GAS2: variants seen among roughly 807,000 people sequenced by gnomAD.
The protein encoded by GAS2 is growth arrest specific 2.
GAS2 carries 20 observed loss-of-function variants against 37.5 expected under a neutral mutation model. The observed-to-expected ratio is 0.53, with a 90% CI of 0.37 to 0.77. The LOEUF (loss-of-function observed/expected upper bound fraction) is 0.77. GAS2 is among the 30% of genes least tolerant of loss of function. GAS2 has a pLI of 0.00. For synonymous variants in GAS2, 144 were observed against 132.2 expected, an observed-to-expected ratio of 1.09 and a Z score of -0.61; for missense variants, 336 against 373.4, an observed-to-expected ratio of 0.90 and a Z score of 0.82.
intron 6 of GAS2, among the ~76,000 whole-genome samples, chr11:22,753,253 A>C (rs1566378): frequency 0.56 from 84,371 of 151,852 alleles, 25,290 homozygotes; most frequent in Middle Eastern, 0.68. Flanking sequence ...GTCACTGTTT[A>C]CTTAACAATA....
intron 7 of GAS2, among the ~76,000 whole-genome samples, chr11:22,803,985 A>G (rs1326589078): frequency 6.6e-6 from 1 of 152,050 alleles, no homozygotes; most frequent in African/African-American, 2.4e-5. Context: ...AGCAATTGCA[A>G]TATTGTGAGA....
chr11:22,775,049 G>A (rs888193304), intron 7 of GAS2, among the ~76,000 whole-genome samples: 2 of 152,118 alleles, frequency 1.3e-5, no homozygotes, highest in African/African-American at 4.8e-5. Context: ...AGTGGGCAAC[G>A]AGAGGCTGGT....
chr11:22,812,026 G>C lies in GAS2; in HGVS notation c.*10G>C, dbSNP rs1247820993. ...GAAGGAAATTAAGTGAAACAAATTG[G>C]TCATGACAAGGGGACCCTCATAATG... On this transcript the variant is annotated 3_prime_UTR_variant, in exon 8 of 8. Coordinates refer to ENST00000454584, the MANE Select transcript of GAS2 (RefSeq NM_001143830.3). The C allele has an allele frequency of 6.2e-7, 1 of 1,605,580 alleles. No individual in the cohort carries two copies. The highest frequency in any genetic ancestry group is 8.5e-7 in the Non-Finnish European group (1 of 1,172,352).
chr11:22,778,165 T>A (rs955168751), intron 7 of GAS2, among the ~76,000 whole-genome samples: 1 of 152,194 alleles, frequency 6.6e-6, no homozygotes, highest in Non-Finnish European at 1.5e-5. Flanking sequence ...TTTTCTCAGG[T>A]CAAATGATTC....
intron 3 of GAS2, among the ~76,000 whole-genome samples, chr11:22,705,970 C>G (rs957808687): frequency 6.6e-6 from 1 of 151,986 alleles, no homozygotes; most frequent in African/African-American, 2.4e-5. Context: ...AAATTGCACA[C>G]GTGAAAGCCC....
chr11:22,684,104 G>T (rs373751), intron 2 of GAS2, among the ~76,000 whole-genome samples: 55,921 of 152,028 alleles, frequency 0.37, 11,281 homozygotes, highest in African/African-American at 0.55. Flanking sequence ...CATAGCAGCA[G>T]AAATAGAAAG....
intron 7 of GAS2, among the ~76,000 whole-genome samples, chr11:22,766,178 T>C (rs1173207592): frequency 6.6e-6 from 1 of 152,054 alleles, no homozygotes; most frequent in Non-Finnish European, 1.5e-5. Context: ...AACTGTATCA[T>C]ATACTATTTA....
At chr11:22,669,629 G>T (rs1246356617) in intron 1 of GAS2, among the ~76,000 whole-genome samples, 2 of 152,088 alleles carry the variant, frequency 1.3e-5, no homozygotes, top group Non-Finnish European at 2.9e-5. Flanking sequence ...AAACAGTCTT[G>T]TTACTGTGGG....
At chr11:22,772,714 G>T (rs977915307) in intron 7 of GAS2, among the ~76,000 whole-genome samples, 1 of 152,076 alleles carries the variant, frequency 6.6e-6, no homozygotes, top group Non-Finnish European at 1.5e-5. Flanking sequence ...TCTGCCTTCC[G>T]TCTTTTCCCA....
At chr11:22,778,520 A>C (rs1024752445) in intron 7 of GAS2, among the ~76,000 whole-genome samples, 2 of 152,250 alleles carry the variant, frequency 1.3e-5, no homozygotes, top group African/African-American at 4.8e-5. Flanking sequence ...CTCTCCAAGG[A>C]AGTGATATTT....
At chr11:22,789,437 T>TATATATAA in intron 7 of GAS2, among the ~76,000 whole-genome samples, 1 of 86,010 alleles carries the variant, frequency 1.2e-5, no homozygotes, top group Non-Finnish European at 2.3e-5. Flanking sequence ...TATATATATA[T>TATATATAA]ATATATATAT....
At chr11:22,803,110 G>A (rs573687099) in intron 7 of GAS2, among the ~76,000 whole-genome samples, 2 of 152,166 alleles carry the variant, frequency 1.3e-5, no homozygotes, top group Admixed American at 6.6e-5. Flanking sequence ...ATTGACATAT[G>A]CATTGATGCT....
intron 6 of GAS2, 53 bp downstream of exon 6, chr11:22,749,314 A>C: frequency 6.6e-7 from 1 of 1,519,534 alleles, no homozygotes; most frequent in Non-Finnish European, 9.0e-7. Flanking sequence ...CTTGCACTAC[A>C]AAACATATTC....
intron 4 of GAS2, among the ~76,000 whole-genome samples, chr11:22,733,810 T>A (rs986007704): frequency 6.6e-6 from 1 of 151,782 alleles, no homozygotes; most frequent in Non-Finnish European, 1.5e-5. Context: ...CCGCCAATGA[T>A]AAAACCATTT....
At chr11:22,679,874 A>G (rs1849599886) in intron 2 of GAS2, among the ~76,000 whole-genome samples, 1 of 152,136 alleles carries the variant, frequency 6.6e-6, no homozygotes, top group Non-Finnish European at 1.5e-5. Context: ...GATTTTACTT[A>G]TATTTAGAAA....
At chr11:22,799,647 A>G (rs1299759212) in intron 7 of GAS2, among the ~76,000 whole-genome samples, 4 of 152,052 alleles carry the variant, frequency 2.6e-5, no homozygotes, top group Non-Finnish European at 5.9e-5. Flanking sequence ...GATTTTTTTC[A>G]GACTCCTCTT....
chr11:22,754,838 T>C (rs180837230), intron 6 of GAS2, among the ~76,000 whole-genome samples: 2 of 152,256 alleles, frequency 1.3e-5, no homozygotes, highest in East Asian at 1.9e-4. Flanking sequence ...CCATGACATC[T>C]TTGTGGAAGA....
chr11:22,725,554 A>G (rs932694227), intron 3 of GAS2, among the ~76,000 whole-genome samples: 1 of 152,024 alleles, frequency 6.6e-6, no homozygotes, highest in South Asian at 2.1e-4. Context: ...TCAGCTCCCC[A>G]AGTAGCTGGG....
Position 22,811,934 on chromosome 11 carries a change from A to G in GAS2, c.860A>G (p.Lys287Arg), listed in dbSNP as rs538442989. 3.7e-5 allele frequency: 60 copies of G among 1,613,998 alleles called. No homozygotes were observed. The highest frequency in any genetic ancestry group is 5.1e-5 in the Non-Finnish European group (60 of 1,180,016). Residue 287 changes from lysine to arginine, a missense_variant, in exon 8 of 8, where the codon AAA (lysine) becomes AGA (arginine). By Grantham distance (26) the Lys-to-Arg change is conservative. Transcript: ENST00000454584. ...VDGKTSPIQS[K>R]SPTLKDMNPD... ...GGCAAAACATCCCCTATCCAAAGCA[A>G]ATCTCCAACTCTAAAGGACATGAAT...
Sources: allele counts gnomAD v4.1 joint callset (sites outside exome capture counted in the v4.1 genomes callset), GRCh38; gene constraint gnomAD v4.1.1; transcripts MANE v1.5; gene names NCBI Gene and HGNC (gene_info 2026-07-23, HGNC 2026-07-21).